COPS3: variants seen among roughly 807,000 people sequenced by gnomAD.
The protein encoded by COPS3 is COP9 signalosome complex subunit 3.
Under a neutral mutation model 58.2 loss-of-function variants are expected in COPS3, and 10 were observed. The ratio of observed to expected loss-of-function variants is 0.17; its 90% CI spans 0.11 to 0.29. COPS3 has a LOEUF of 0.29. Among genes scored for constraint, COPS3 ranks in the 10% least tolerant of loss-of-function variants. The pLI, the probability that COPS3 is intolerant of heterozygous loss-of-function variation, is 1.00. For missense variants in COPS3, 333 were observed against 510.1 expected, an observed-to-expected ratio of 0.65 and a Z score of 3.34; for synonymous variants, 187 against 181.7, an observed-to-expected ratio of 1.03 and a Z score of -0.24.
At chr17:17,257,856 C>T (rs904121792) in intron 8 of COPS3, among the ~76,000 whole-genome samples, 3 of 150,938 alleles carry the variant, frequency 2.0e-5, no homozygotes, top group African/African-American at 7.3e-5. Context: ...AATGTTAACA[C>T]AAAGTAATAT....
At chr17:17,261,861 G>A (rs1042043703) in intron 7 of COPS3, 105 bp downstream of exon 7, 1 of 921,804 alleles carries the variant, frequency 1.1e-6, no homozygotes, top group South Asian at 1.8e-5. Context: ...AAGCTGCTAG[G>A]AGAGCTAAAT....
At chr17:17,256,039 C>T (rs1432436345) in intron 8 of COPS3, among the ~76,000 whole-genome samples, 13 of 148,830 alleles carry the variant, frequency 8.7e-5, no homozygotes, top group Admixed American at 1.3e-4. Flanking sequence ...ATTAGCCGGG[C>T]GTGGTGGTGG....
Position 17,254,814 on chromosome 17 carries a change from G to GAAAAAAAAA in COPS3, c.1023+36_1023+44dup, listed in dbSNP as rs71152853. 1.1e-3 allele frequency: 914 copies of GAAAAAAAAA among 820,760 alleles called. 2 individuals carry two copies. Among genetic ancestry groups the GAAAAAAAAA allele is most frequent in the South Asian group, 4.4e-3 (236 of 53,240 alleles). 50.8% of individuals were successfully genotyped at this position (820,760 alleles called of 1,614,324 possible). On this transcript the variant is annotated intron_variant, in intron 9 of 11. Transcript: ENST00000268717. ...ACAGAGCGAGACTCCATCTCAAAAA[G>GAAAAAAAAA]AAAAAAAAAAAAAAAAAAGAAAAAG...
At position 17,281,204 on chromosome 17, in the gene COPS3, CCGAGCGGCG is replaced by C. The variant is rs1354909867; in HGVS notation, c.-27_-19del. 1 of 1,607,010 alleles carries C rather than the reference CCGAGCGGCG, an allele frequency of 6.2e-7. No individual in the cohort carries two copies. Among genetic ancestry groups the C allele is most frequent in the South Asian group, 1.1e-5 (1 of 89,778 alleles). ...GACGCCATGTTTTCCCCCGGGCGGC[CCGAGCGGCG>C]AAGGCAGCACGCGCGGGAAAAGGCT... On this transcript the variant is annotated 5_prime_UTR_variant, in exon 1 of 12. Transcript: ENST00000268717.
At chr17:17,280,843 C>A in intron 1 of COPS3, 2 of 1,226,520 alleles carry the variant, frequency 1.6e-6, no homozygotes, top group Non-Finnish European at 2.2e-6. Context: ...GTCACGCCCC[C>A]AAACTGTCAA....
intron 8 of COPS3, among the ~76,000 whole-genome samples, chr17:17,255,210 G>C (rs1449972027): frequency 6.6e-6 from 1 of 152,128 alleles, no homozygotes; most frequent in Non-Finnish European, 1.5e-5. Flanking sequence ...TGAGACAGGA[G>C]AATCGCTTGA....
intron 1 of COPS3, among the ~76,000 whole-genome samples, chr17:17,276,986 A>G (rs1392690598): frequency 2.0e-5 from 3 of 152,146 alleles, no homozygotes; most frequent in Non-Finnish European, 4.4e-5. Flanking sequence ...AGGCCCTTCA[A>G]TAACTGGTCC....
At chr17:17,256,234 A>G (rs76750763) in intron 8 of COPS3, among the ~76,000 whole-genome samples, 5,608 of 152,140 alleles carry the variant, frequency 0.037, 314 homozygotes, top group African/African-American at 0.12. Flanking sequence ...AATTTCCTAG[A>G]GGAGTAATGA....
In COPS3 at chr17:17,255,960, G is replaced by A. The variant is rs1289678702; in HGVS notation, c.937-1015C>T. Among the ~76,000 whole-genome samples the A allele has an allele frequency of 4.6e-5, 7 of 150,982 alleles. No homozygotes were observed. The South Asian group carries it at 1.3e-3, about 27-fold the overall frequency. On this transcript the variant is annotated intron_variant, in intron 8 of 11. Transcript: ENST00000268717. ...CCAGGCGAGTGGATCACGAGGTCAG[G>A]ACATCGAGACCATCCTGGCTAACGT...
intron 9 of COPS3, among the ~76,000 whole-genome samples, chr17:17,254,007 AAAT>A (rs1449369488): frequency 2.0e-5 from 3 of 151,574 alleles, no homozygotes; most frequent in Non-Finnish European, 2.9e-5. Context: ...AAATAAAAGA[AAAT>A]AATAAGGAGT....
At chr17:17,277,423 T>C (rs80031303) in intron 1 of COPS3, among the ~76,000 whole-genome samples, 2,162 of 152,334 alleles carry the variant, frequency 0.014, 22 homozygotes, top group Non-Finnish European at 0.021. Flanking sequence ...ATGTTTGTTT[T>C]GTTTTGTTTT....
At chr17:17,267,814 C>A in intron 5 of COPS3, 71 bp downstream of exon 5, 1 of 1,499,664 alleles carries the variant, frequency 6.7e-7, no homozygotes. Flanking sequence ...TTTATCAAAC[C>A]CAATGTTGAG....
At position 17,280,920 on chromosome 17, in the gene COPS3, G is replaced by A. The variant is rs576761587; in HGVS notation, c.55+212C>T. On this transcript the variant is annotated intron_variant, in intron 1 of 11. Transcript: ENST00000268717. Reference sequence around the variant, plus strand: ...GCTCCCGGCGGCCCGAGGGAGGGGAGGCCGGCCGGCGAGGACAGCGGAGCG... The same window carrying A: ...GCTCCCGGCGGCCCGAGGGAGGGGAAGCCGGCCGGCGAGGACAGCGGAGCG... The A allele has an allele frequency of 1.6e-5, 14 of 887,664 alleles. No individual in the cohort carries two copies. The East Asian group carries it at 3.2e-4, about 20-fold the overall frequency. The allele number at this position is 887,664 out of a possible 1,614,324, so 55.0% of individuals were successfully genotyped here. A position where few individuals can be genotyped will look rare whatever the true frequency, so the allele number is the denominator to read the frequency against.
At chr17:17,261,662 C>G (rs764136263) in intron 7 of COPS3, 1 of 433,948 alleles carries the variant, frequency 2.3e-6, no homozygotes, top group South Asian at 1.8e-5. Context: ...GAGTTCAACA[C>G]CAACCTGGCC....
At chr17:17,253,007 T>C (rs2047886320) in intron 9 of COPS3, among the ~76,000 whole-genome samples, 3 of 152,184 alleles carry the variant, frequency 2.0e-5, no homozygotes, top group Non-Finnish European at 4.4e-5. Context: ...GGAAGGTCAC[T>C]TGAGGCCAGA....
At chr17:17,249,227 G>A (rs1033085417) in intron 9 of COPS3, among the ~76,000 whole-genome samples, 188 bp from the exon 10 acceptor site, 1 of 152,176 alleles carries the variant, frequency 6.6e-6, no homozygotes, top group Non-Finnish European at 1.5e-5. Flanking sequence ...CACCATTATA[G>A]ATGCTAAGAG....
rs2048113239 is a variant in COPS3 at position 17,262,082 on chromosome 17, C to T, written c.646G>A (p.Val216Ile). ...EQAITTPAMA[V>I]SHIMLESYKK... Reference sequence around the variant, plus strand: ...TATGATTCCAACATGATATGACTGACCGCCATGGCAGGAGTAGTTATAGCC... The same window carrying T: ...TATGATTCCAACATGATATGACTGATCGCCATGGCAGGAGTAGTTATAGCC... Residue 216 changes from valine to isoleucine, a missense_variant, in exon 7 of 12, where the codon GTC (valine) becomes ATC (isoleucine). By Grantham distance (29) the Val-to-Ile change is conservative. Coordinates refer to ENST00000268717, the MANE Select transcript of COPS3 (RefSeq NM_003653.4). 1.3e-5 allele frequency: 21 copies of T among 1,610,790 alleles called. No individual in the cohort carries two copies. Among genetic ancestry groups the T allele is most frequent in the Non-Finnish European group, 1.7e-5 (20 of 1,179,114 alleles).
At chr17:17,281,003 C>G (rs761913548) in intron 1 of COPS3, 129 bp downstream of exon 1, 3 of 1,144,134 alleles carry the variant, frequency 2.6e-6, no homozygotes, top group Non-Finnish European at 2.5e-6. Flanking sequence ...AACGCCGCAA[C>G]CCCAAGCCCG....
intron 2 of COPS3, among the ~76,000 whole-genome samples, chr17:17,271,854 A>ATG: frequency 7.1e-6 from 1 of 141,008 alleles, no homozygotes; most frequent in East Asian, 2.0e-4. Context: ...ATATATATAT[A>ATG]TATACACACA....
Sources: gnomAD v4.1 joint callset for allele counts (sites outside exome capture counted in the v4.1 genomes callset) on GRCh38, gnomAD v4.1.1 for gene constraint, MANE v1.5 for transcripts, NCBI Gene and HGNC (gene_info 2026-07-23, HGNC 2026-07-21) for gene names.